Variants in TMEM214 observed in about 807,000 individuals in gnomAD.
TMEM214 encodes the protein transmembrane protein 214.
TMEM214 carries 71 observed loss-of-function variants against 89.8 expected under a neutral mutation model. The observed-to-expected ratio is 0.79, with a 90% CI of 0.65 to 0.96. The LOEUF (loss-of-function observed/expected upper bound fraction) is 0.96. Ranked by LOEUF, TMEM214 falls within the 40% of genes least tolerant of loss-of-function variation. The probability of loss-of-function intolerance (pLI) is 0.00; values close to 1 mark genes in which losing one functional copy is unlikely to be tolerated. For missense variants in TMEM214, 754 were observed against 843.4 expected (o/e 0.89, Z 1.31); for synonymous variants, 332 against 349.5 (o/e 0.95, Z 0.56).
rs768876836 is a variant in TMEM214 at position 27,036,473 on chromosome 2, A to C, written c.721-14A>C. Reference sequence around the variant, plus strand: ...TGTCCTATCCCAATCTGCCTTCCCCACCGGTCTCCTCAGTTCCTGGAACTG... The same window carrying C: ...TGTCCTATCCCAATCTGCCTTCCCCCCCGGTCTCCTCAGTTCCTGGAACTG... On this transcript the variant is annotated splice_polypyrimidine_tract_variant and intron_variant, in intron 5 of 16. Coordinates refer to ENST00000238788, the MANE Select transcript of TMEM214 (RefSeq NM_017727.5). 1 of 1,610,070 alleles carries C rather than the reference A, an allele frequency of 6.2e-7. No individual in the cohort carries two copies. Among genetic ancestry groups the C allele is most frequent in the Non-Finnish European group, 8.5e-7 (1 of 1,176,716 alleles).
At position 27,038,432 on chromosome 2, in the gene TMEM214, A is replaced by G. The variant is rs1433742922; in HGVS notation, c.1245-52A>G. The G allele has an allele frequency of 5.6e-6, 9 of 1,609,290 alleles. No homozygotes were observed. The highest frequency in any genetic ancestry group is 1.1e-5 in the South Asian group (1 of 90,994). ...GCCAGGGCTAATGGAGGACAGGAGGATGGGTGAGGCTGCGCGAGCCACCTG... is the reference window on the plus strand; with the variant it reads ...GCCAGGGCTAATGGAGGACAGGAGGGTGGGTGAGGCTGCGCGAGCCACCTG... On this transcript the variant is annotated intron_variant, in intron 10 of 16. Transcript: ENST00000238788. The surrounding 1 kb of genome is among the most constrained non-coding windows in gnomAD (Gnocchi z 4.4).
chr2:27,035,416 CTG>C (rs1203675512), intron 3 of TMEM214, 131 bp downstream of exon 3: 14 of 1,433,116 alleles, frequency 9.8e-6, no homozygotes, highest in Non-Finnish European at 1.3e-5. Flanking sequence ...ATCATCGTGA[CTG>C]TGAATGTTTC....
intron 5 of TMEM214, 98 bp downstream of exon 5, chr2:27,036,150 C>T: frequency 2.7e-6 from 3 of 1,097,092 alleles, no homozygotes; most frequent in Non-Finnish European, 4.1e-6. Flanking sequence ...AGTGGAAGAC[C>T]TGTAAGCCTA....
Position 27,037,133 on chromosome 2 carries a change from C to G in TMEM214, c.965C>G (p.Pro322Arg), listed in dbSNP as rs759465121. Residue 322 changes from proline to arginine, a missense_variant, in exon 8 of 17, where the codon CCA becomes CGA. Pro to Arg is a moderately radical substitution (Grantham distance 103). Coordinates refer to ENST00000238788, the MANE Select transcript of TMEM214 (RefSeq NM_017727.5). ...ATGATTGGCCCCAAGGACTTCTTCCCACTTCTGGACTTTGCCTATATGCCG... is the reference window on the plus strand; with the variant it reads ...ATGATTGGCCCCAAGGACTTCTTCCGACTTCTGGACTTTGCCTATATGCCG... ...FGMIGPKDFF[P>R]LLDFAYMPNN... is the part of the protein sequence containing the mutation. The G allele has an allele frequency of 4.8e-5, 77 of 1,613,940 alleles. No homozygotes were observed. The highest frequency in any genetic ancestry group is 6.5e-5 in the Non-Finnish European group (77 of 1,179,992).
intron 13 of TMEM214, 72 bp downstream of exon 13, chr2:27,039,236 G>C (rs112434687): frequency 4.8e-6 from 6 of 1,243,322 alleles, no homozygotes. Flanking sequence ...CCACCACCCC[G>C]CCCCCAGCAG....
chr2:27,036,337 A>G (rs757364502), intron 5 of TMEM214, 150 bp from the exon 6 acceptor site: 113 of 759,178 alleles, frequency 1.5e-4, no homozygotes, highest in South Asian at 8.5e-4. Flanking sequence ...GAAGCCCACA[A>G]ACAGAACCTG....
At position 27,038,847 on chromosome 2, in the gene TMEM214, G is replaced by A. The variant is rs368826471; in HGVS notation, c.1407+32G>A. The A allele has an allele frequency of 1.5e-5, 24 of 1,580,534 alleles. No individual in the cohort carries two copies. Among genetic ancestry groups the A allele is most frequent in the East Asian group, 4.5e-5 (2 of 44,684 alleles). ...GCACCCGGTCCTCTCCAGCCCACAC[G>A]CTATCTTACATCTCTGTCTCAGCAC... On this transcript the variant is annotated intron_variant, in intron 12 of 16. Coordinates refer to ENST00000238788, the MANE Select transcript of TMEM214 (RefSeq NM_017727.5). The surrounding 1 kb of genome is among the most constrained non-coding windows in gnomAD (Gnocchi z 4.4).
chr2:27,035,408 C>A (rs1667510489), intron 3 of TMEM214, 123 bp downstream of exon 3: 2 of 1,452,292 alleles, frequency 1.4e-6, no homozygotes, highest in Non-Finnish European at 1.9e-6. Flanking sequence ...GGTCTCAAAT[C>A]ATCGTGACTG....
At position 27,036,531 on chromosome 2, in the gene TMEM214, T is replaced by C. The variant is rs749144945; in HGVS notation, c.765T>C (p.Cys255=). 6.2e-7 allele frequency: 1 copy of C among 1,613,896 alleles called. No individual in the cohort carries two copies. The highest frequency in any genetic ancestry group is 1.3e-5 in the African/African-American group (1 of 74,870). Residue 255 remains cysteine, a synonymous_variant, in exon 6 of 17, where the codon TGT becomes TGC. Transcript: ENST00000238788. ...LRSHQSRPAK[C]LTIMWALGQA... Reference sequence around the variant, plus strand: ...CCCACCAGAGCCGACCAGCAAAGTGTCTCACCATCATGTGGGCCCTGGGTC... The same window carrying C: ...CCCACCAGAGCCGACCAGCAAAGTGCCTCACCATCATGTGGGCCCTGGGTC...
chr2:27,039,714 A>G, intron 13 of TMEM214, 27 bp from the exon 14 acceptor site: 1 of 1,603,266 alleles, frequency 6.2e-7, no homozygotes, highest in Non-Finnish European at 8.5e-7. Context: ...CTCACCTCCC[A>G]GCTCACCAGA....
chr2:27,039,761 C>T lies in TMEM214; in HGVS notation c.1546C>T (p.Leu516Phe). The T allele has an allele frequency of 6.2e-7, 1 of 1,614,172 alleles. No homozygotes were observed. The highest frequency in any genetic ancestry group is 1.3e-5 in the African/African-American group (1 of 75,018). ...CTTAGCCTCCCTTACTGGCCGGTTG[C>T]TTCGATCATCTGGCTTCTTACCTGC... The part of the protein sequence containing the change: ...SFQASLTGRL[L>F]RSSGFLPASQ... The change falls in exon 14 of 17, where the codon CTT becomes TTT. Residue 516 changes from leucine (L) to phenylalanine (F), a missense_variant. Transcript: ENST00000238788.
intron 13 of TMEM214, 161 bp downstream of exon 13, chr2:27,039,325 A>T (rs967951741): frequency 5.7e-5 from 36 of 629,464 alleles, no homozygotes; most frequent in Non-Finnish European, 1.0e-4. Flanking sequence ...CACAGATATG[A>T]CACTACCATT....
chr2:27,037,299 G>A (rs1667609450), intron 8 of TMEM214, 121 bp downstream of exon 8: 11 of 937,430 alleles, frequency 1.2e-5, no homozygotes, highest in Non-Finnish European at 1.9e-5. Context: ...GGAAGTTCAA[G>A]AGTAGGTTTC....
Position 27,040,849 on chromosome 2 carries a change from C to G in TMEM214, c.*12C>G. 1 of 1,611,276 alleles carries G rather than the reference C, an allele frequency of 6.2e-7. No individual in the cohort carries two copies. Among genetic ancestry groups the G allele is most frequent in the African/African-American group, 1.3e-5 (1 of 75,020 alleles). ...TATCCCAGCAGTAGGCCCTGCCTTC[C>G]TGGCCACTGATTTCTGCATGGGTAG... On this transcript the variant is annotated 3_prime_UTR_variant, in exon 17 of 17. Coordinates refer to ENST00000238788, the MANE Select transcript of TMEM214 (RefSeq NM_017727.5).
At chr2:27,036,438 C>T (rs1189898074) in intron 5 of TMEM214, 49 bp from the exon 6 acceptor site, 2 of 1,472,464 alleles carry the variant, frequency 1.4e-6, no homozygotes, top group Non-Finnish European at 1.9e-6. Context: ...GGGGGGTGCT[C>T]CTGGTGTTTT....
chr2:27,034,271 G>C lies in TMEM214; in HGVS notation c.351+5G>C. The C allele has an allele frequency of 6.2e-7, 1 of 1,613,374 alleles. No homozygotes were observed. The highest frequency in any genetic ancestry group is 8.5e-7 in the Non-Finnish European group (1 of 1,179,960). Reference sequence around the variant, plus strand: ...CTGGAGGAAGCACTGAAAGCTGTGAGTGTGCCTAGACATGAGACGCAGAAA... The same window carrying C: ...CTGGAGGAAGCACTGAAAGCTGTGACTGTGCCTAGACATGAGACGCAGAAA... On this transcript the variant is annotated splice_donor_5th_base_variant and intron_variant, in intron 2 of 16. Transcript: ENST00000238788.
At chr2:27,039,016 T>A in intron 12 of TMEM214, 31 bp from the exon 13 acceptor site, 10 of 1,608,992 alleles carry the variant, frequency 6.2e-6, no homozygotes, top group Non-Finnish European at 8.5e-6. Context: ...CCCTCGCTTC[T>A]GACAACTGTC....
At position 27,035,283 on chromosome 2, in the gene TMEM214, A is replaced by C. The variant is rs779059933; in HGVS notation, c.500A>C (p.His167Pro). 1.6e-5 allele frequency: 26 copies of C among 1,614,224 alleles called. No homozygotes were observed. The South Asian group carries it at 2.7e-4, about 17-fold the overall frequency. Residue 167 changes from histidine to proline, a missense_variant and splice_region_variant, in exon 3 of 17, where the codon CAT (histidine) becomes CCT (proline). His to Pro is a moderately conservative substitution (Grantham distance 77, BLOSUM62 -2). Transcript: ENST00000238788. ...GAACCCACGCTGAGCCAGCATACTC[A>C]TGGTAAGTCCTTCCAGCTTCCTCAA... ...LSEPTLSQHT[H>P]DYPYSLVSRE...
chr2:27,039,262 T>C, intron 13 of TMEM214, 98 bp downstream of exon 13: 1 of 1,025,102 alleles, frequency 9.8e-7, no homozygotes, highest in African/African-American at 1.6e-5. Flanking sequence ...ATCTTTGTCC[T>C]GACGAGTTCT....
Sources: gnomAD v4.1 joint callset for allele counts on GRCh38, gnomAD v4.1.1 for gene constraint, Gnocchi (gnomAD v3.1) non-coding constraint, MANE v1.5 for transcripts, NCBI Gene and HGNC (gene_info 2026-07-23, HGNC 2026-07-21) for gene names.